CDH18: variants seen among roughly 807,000 people sequenced by gnomAD.
The protein encoded by CDH18 is cadherin-18.
A neutral mutation model predicts 67.9 loss-of-function variants in CDH18; 31 were observed. The ratio of observed to expected loss-of-function variants is 0.46; its 90% CI spans 0.34 to 0.62. CDH18 has a LOEUF of 0.62. Among genes scored for constraint, CDH18 ranks in the 20% least tolerant of loss-of-function variants. The probability of loss-of-function intolerance (pLI) is 0.01; values close to 1 mark genes in which losing one functional copy is unlikely to be tolerated. For missense variants in CDH18, 890 were observed against 975.5 expected, an observed-to-expected ratio of 0.91 and a Z score of 1.17; for synonymous variants, 362 against 347.2, an observed-to-expected ratio of 1.04 and a Z score of -0.48.
chr5:20,413,981 AT>A (rs1163305670), intron 1 of CDH18, among the ~76,000 whole-genome samples: 1 of 152,132 alleles, frequency 6.6e-6, no homozygotes, highest in Non-Finnish European at 1.5e-5. Context: ...TCTTGAATTA[AT>A]TTTTATATAA....
chr5:19,497,750 T>A (rs1223668948), intron 11 of CDH18, among the ~76,000 whole-genome samples: 1 of 152,232 alleles, frequency 6.6e-6, no homozygotes, highest in African/African-American at 2.4e-5. Context: ...TGCTAAAGTA[T>A]TCTCTGGTAT....
intron 5 of CDH18, among the ~76,000 whole-genome samples, chr5:19,689,304 C>T (rs1050046039): frequency 2.6e-5 from 4 of 151,970 alleles, no homozygotes; most frequent in Non-Finnish European, 5.9e-5. Flanking sequence ...TGTAAGAGAA[C>T]TCTCAGCAGA....
intron 2 of CDH18, among the ~76,000 whole-genome samples, chr5:20,072,181 A>G (rs1743535422): frequency 6.6e-6 from 1 of 152,064 alleles, no homozygotes; most frequent in Non-Finnish European, 1.5e-5. Flanking sequence ...TTCTCAAGGA[A>G]AACTACACAG....
intron 2 of CDH18, among the ~76,000 whole-genome samples, chr5:20,108,603 C>G (rs772384976): frequency 2.0e-5 from 3 of 152,098 alleles, no homozygotes; most frequent in East Asian, 1.9e-4. Context: ...AGTGTCACCT[C>G]GTGTCTTTCA....
At chr5:20,506,851 T>G (rs1754692685) in intron 1 of CDH18, among the ~76,000 whole-genome samples, 1 of 152,214 alleles carries the variant, frequency 6.6e-6, no homozygotes, top group South Asian at 2.1e-4. Context: ...CTTTATTCTC[T>G]CCTCTCCCTT....
chr5:20,475,637 A>C (rs1752384632), intron 1 of CDH18, among the ~76,000 whole-genome samples: 1 of 136,970 alleles, frequency 7.3e-6, no homozygotes, highest in Non-Finnish European at 1.5e-5. Context: ...TTATTTGAAC[A>C]GTCTAGGTAA....
At chr5:19,601,254 T>A (rs996106208) in intron 6 of CDH18, among the ~76,000 whole-genome samples, 1 of 151,974 alleles carries the variant, frequency 6.6e-6, no homozygotes, top group African/African-American at 2.4e-5. Context: ...TCTCAAATAA[T>A]TACAATCAGA....
chr5:19,689,224 T>G (rs2150414590), intron 5 of CDH18, among the ~76,000 whole-genome samples: 1 of 152,156 alleles, frequency 6.6e-6, no homozygotes, highest in South Asian at 2.1e-4. Flanking sequence ...CATGGCACAT[T>G]ATAGTCAAAA....
chr5:20,362,855 G>C (rs1028404966), intron 1 of CDH18, among the ~76,000 whole-genome samples: 3 of 152,132 alleles, frequency 2.0e-5, no homozygotes, highest in African/African-American at 7.2e-5. Flanking sequence ...GCTGGACTGA[G>C]TTAAAGTTGA....
intron 2 of CDH18, among the ~76,000 whole-genome samples, chr5:19,918,996 C>T (rs1792141307): frequency 6.6e-6 from 1 of 152,034 alleles, no homozygotes; most frequent in South Asian, 2.1e-4. Context: ...GAACGTTCAG[C>T]CCCACCCAGA....
chr5:19,944,682 T>C (rs1383506738), intron 2 of CDH18, among the ~76,000 whole-genome samples: 1 of 152,186 alleles, frequency 6.6e-6, no homozygotes, highest in East Asian at 1.9e-4. Flanking sequence ...TATGGATACA[T>C]ACATGCTATG....
At chr5:19,818,482 G>A (rs978258407) in intron 3 of CDH18, among the ~76,000 whole-genome samples, 2 of 150,744 alleles carry the variant, frequency 1.3e-5, no homozygotes, top group Admixed American at 6.6e-5. Flanking sequence ...TAAAAAGAAC[G>A]AACAAATTGT....
At chr5:20,355,196 T>C (rs1385795524) in intron 1 of CDH18, among the ~76,000 whole-genome samples, 1 of 152,220 alleles carries the variant, frequency 6.6e-6, no homozygotes, top group South Asian at 2.1e-4. Flanking sequence ...GCAGTTGTGC[T>C]AGTAAGACGA....
chr5:20,352,224 T>C (rs1741238707), intron 1 of CDH18, among the ~76,000 whole-genome samples: 1 of 152,196 alleles, frequency 6.6e-6, no homozygotes, highest in South Asian at 2.1e-4. Context: ...CTCAGCCTGC[T>C]CAATGTGAAG....
intron 7 of CDH18, among the ~76,000 whole-genome samples, chr5:19,585,411 C>A (rs2150002023): frequency 6.6e-6 from 1 of 152,220 alleles, no homozygotes; most frequent in South Asian, 2.1e-4. Flanking sequence ...CACCACTGCA[C>A]CCATACACAT....
intron 3 of CDH18, among the ~76,000 whole-genome samples, chr5:19,831,725 T>C (rs182094971): frequency 6.6e-6 from 1 of 152,204 alleles, no homozygotes; most frequent in African/African-American, 2.4e-5. Flanking sequence ...AGAACTACTG[T>C]TCAAACCATC....
rs112179325 is a variant in CDH18, at chr5:20,088,173, T to C, written c.-517-96159A>G. ...CACCACCATTGCTATTCCCATATCC[T>C]AGCAAAATACTGTGTGTTGAACTCT... On this transcript the variant is annotated intron_variant, in intron 2 of 14. Coordinates refer to the CDH18 transcript ENST00000507958. 3.0e-4 allele frequency among the ~76,000 whole-genome samples: 45 copies of C among 152,346 alleles called. 1 individual carries two copies. The highest frequency in any genetic ancestry group is 1.0e-3 in the African/African-American group (43 of 41,598).
intron 9 of CDH18, among the ~76,000 whole-genome samples, chr5:19,542,127 T>G (rs2127068308): frequency 6.6e-6 from 1 of 152,280 alleles, no homozygotes; most frequent in African/African-American, 2.4e-5. Flanking sequence ...CTTGAGCTAA[T>G]TTTGCAGACA....
chr5:19,532,142 T>C (rs1033340021), intron 9 of CDH18, among the ~76,000 whole-genome samples: 2 of 152,178 alleles, frequency 1.3e-5, no homozygotes, highest in Non-Finnish European at 2.9e-5. Context: ...TTGTAGCCAA[T>C]GTATTTTTTT....
Sources: allele counts gnomAD v4.1 joint callset (sites outside exome capture counted in the v4.1 genomes callset), GRCh38; gene constraint gnomAD v4.1.1; transcripts MANE v1.5; gene names NCBI Gene and HGNC (gene_info 2026-07-23, HGNC 2026-07-21).